GNAT3: variants seen among roughly 807,000 people sequenced by gnomAD.
GNAT3 encodes guanine nucleotide-binding protein G(t) subunit alpha-3.
GNAT3 carries 31 observed loss-of-function variants against 37.7 expected under a neutral mutation model. The observed-to-expected ratio is 0.82, with a 90% confidence interval of 0.62 to 1.11. The LOEUF (loss-of-function observed/expected upper bound fraction) is 1.11. GNAT3 is among the 50% of genes most tolerant of loss of function. The pLI is 0.00. For synonymous variants in GNAT3, 138 were observed against 139.8 expected, an observed-to-expected ratio of 0.99 and a Z score of 0.09; for missense variants, 437 against 412.5, an observed-to-expected ratio of 1.06 and a Z score of -0.51.
At chr7:80,501,706 A>G (rs1323080233) in intron 1 of GNAT3, among the ~76,000 whole-genome samples, 2 of 151,908 alleles carry the variant, frequency 1.3e-5, no homozygotes, top group Admixed American at 1.3e-4. Context: ...TCTAAAGTCT[A>G]AGACAATTTT....
intron 3 of GNAT3, 70 bp downstream of exon 3, chr7:80,488,465 A>C (rs2116191307): frequency 1.6e-6 from 2 of 1,274,286 alleles, no homozygotes; most frequent in South Asian, 2.8e-5. Context: ...CTATGAACTT[A>C]TTAAGTCCTC....
intron 3 of GNAT3, among the ~76,000 whole-genome samples, chr7:80,481,974 G>C (rs747862809): frequency 6.6e-6 from 1 of 152,172 alleles, no homozygotes; most frequent in Non-Finnish European, 1.5e-5. Flanking sequence ...TCTGGACCTT[G>C]CATGTATTGA....
intron 4 of GNAT3, among the ~76,000 whole-genome samples, chr7:80,478,343 A>G (rs1302538797): frequency 6.6e-6 from 1 of 152,244 alleles, no homozygotes; most frequent in East Asian, 1.9e-4. Context: ...TGAGACTCCA[A>G]AAGAATCTCC....
At chr7:80,468,537 A>T (rs992066119) in intron 5 of GNAT3, among the ~76,000 whole-genome samples, 1 of 152,068 alleles carries the variant, frequency 6.6e-6, no homozygotes, top group Non-Finnish European at 1.5e-5. Context: ...TTTATTCAAG[A>T]TGTTAGTCTC....
chr7:80,478,305 T>G (rs1479509943), intron 4 of GNAT3, among the ~76,000 whole-genome samples: 1 of 152,236 alleles, frequency 6.6e-6, no homozygotes, highest in Non-Finnish European at 1.5e-5. Context: ...AAATGGATGA[T>G]ACAAGCAGTG....
At chr7:80,476,010 G>T (rs1309583394) in intron 4 of GNAT3, among the ~76,000 whole-genome samples, 4 of 151,974 alleles carry the variant, frequency 2.6e-5, no homozygotes, top group Non-Finnish European at 5.9e-5. Flanking sequence ...ATCCCTTTGT[G>T]AATTTTCTAT....
At chr7:80,459,163 G>T (rs1398669068) in intron 7 of GNAT3, among the ~76,000 whole-genome samples, 4 of 152,008 alleles carry the variant, frequency 2.6e-5, no homozygotes, top group Non-Finnish European at 4.4e-5. Context: ...TGTGTTTGTG[G>T]GTATGGGTAT....
chr7:80,476,212 A>AT (rs1790299356), intron 4 of GNAT3, among the ~76,000 whole-genome samples: 1 of 151,922 alleles, frequency 6.6e-6, no homozygotes, highest in Non-Finnish European at 1.5e-5. Context: ...AAGCAGAAGC[A>AT]TTAGCAGACT....
At chr7:80,481,944 G>A (rs938160381) in intron 3 of GNAT3, among the ~76,000 whole-genome samples, 5 of 152,080 alleles carry the variant, frequency 3.3e-5, no homozygotes, top group Non-Finnish European at 5.9e-5. Flanking sequence ...GGAAGGTCCC[G>A]CTTCAAATTG....
intron 7 of GNAT3, among the ~76,000 whole-genome samples, chr7:80,460,056 C>A (rs1790023799): frequency 6.6e-6 from 1 of 151,978 alleles, no homozygotes; most frequent in Admixed American, 6.6e-5. Context: ...TCCATAATTG[C>A]CAAAAATTGA....
rs531683945 is a variant in GNAT3 at position 80,463,298 on chromosome 7, C to T, written c.591-667G>A. On this transcript the variant is annotated intron_variant, in intron 5 of 7. Coordinates refer to ENST00000398291, the MANE Select transcript of GNAT3 (RefSeq NM_001102386.3). ...TAGAGAAGGTGTTTGAAAACTCAGC[C>T]TTTCCTCTACTTTTATATTTTGGTA... is the stretch of plus-strand genomic sequence containing the variant. 6.4e-4 allele frequency among the ~76,000 whole-genome samples: 97 copies of T among 152,216 alleles called. 1 individual carries two copies. Among genetic ancestry groups the T allele is most frequent in the Admixed American group, 1.8e-3 (28 of 15,270 alleles).
chr7:80,470,367 G>T (rs1300939676), intron 5 of GNAT3, among the ~76,000 whole-genome samples: 1 of 152,136 alleles, frequency 6.6e-6, no homozygotes, highest in Non-Finnish European at 1.5e-5. Context: ...GATTACTGGG[G>T]TGTGCCACCA....
chr7:80,480,435 T>C (rs1790375017), intron 3 of GNAT3, among the ~76,000 whole-genome samples: 1 of 152,092 alleles, frequency 6.6e-6, no homozygotes, highest in South Asian at 2.1e-4. Context: ...CTGTTACTGT[T>C]ACAGGAAAGG....
chr7:80,475,370 A>T (rs1790286028), intron 4 of GNAT3, among the ~76,000 whole-genome samples: 1 of 152,102 alleles, frequency 6.6e-6, no homozygotes, highest in African/African-American at 2.4e-5. Context: ...CTAAAAAAAA[A>T]AAAAAAAAGT....
chr7:80,492,331 G>A (rs1029000999), intron 2 of GNAT3, among the ~76,000 whole-genome samples: 1 of 151,634 alleles, frequency 6.6e-6, no homozygotes, highest in South Asian at 2.1e-4. Context: ...GCGACAGAGC[G>A]AGACCCTTTC....
chr7:80,502,575 T>A (rs550627794), intron 1 of GNAT3, among the ~76,000 whole-genome samples: 68 of 152,182 alleles, frequency 4.5e-4, no homozygotes, highest in South Asian at 8.3e-4. Context: ...TATACTGATA[T>A]CTGGACAAAG....
intron 1 of GNAT3, among the ~76,000 whole-genome samples, chr7:80,497,643 CATATA>C (rs1790755246): frequency 2.6e-5 from 3 of 117,334 alleles, no homozygotes; most frequent in African/African-American, 1.4e-4. Context: ...TACGTATATA[CATATA>C]CGTATATACA....
At chr7:80,488,364 A>G (rs188100559) in intron 3 of GNAT3, among the ~76,000 whole-genome samples, 171 bp downstream of exon 3, 7 of 152,290 alleles carry the variant, frequency 4.6e-5, no homozygotes, top group Admixed American at 4.6e-4. Flanking sequence ...AAAAAGTTTC[A>G]CTTCAAGGAA....
chr7:80,462,676 C>A, intron 5 of GNAT3, 45 bp from the exon 6 acceptor site: 2 of 1,523,556 alleles, frequency 1.3e-6, no homozygotes, highest in Non-Finnish European at 1.8e-6. Context: ...CAAATATCCT[C>A]CAAAATGTGC....
Sources: gnomAD v4.1 joint callset for allele counts (sites outside exome capture counted in the v4.1 genomes callset) on GRCh38, gnomAD v4.1.1 for gene constraint, MANE v1.5 for transcripts, NCBI Gene and HGNC (gene_info 2026-07-23, HGNC 2026-07-21) for gene names.